SLC26A4: variants seen among roughly 807,000 people sequenced by gnomAD.
SLC26A4 encodes solute carrier family 26 member 4, also known as pendrin.
A neutral mutation model predicts 90.4 loss-of-function variants in SLC26A4; 93 were observed. The observed-to-expected ratio is 1.03, with a 90% CI of 0.87 to 1.22. The LOEUF (loss-of-function observed/expected upper bound fraction) is 1.22. Ranked by LOEUF, SLC26A4 falls within the 50% of genes most tolerant of loss-of-function variation. The pLI is 0.00. For missense variants in SLC26A4, 1,127 were observed against 946.2 expected (o/e 1.19, Z -2.51); for synonymous variants, 393 against 354.6 (o/e 1.11, Z -1.22).
intron 8 of SLC26A4, among the ~76,000 whole-genome samples, chr7:107,688,556 A>G (rs978401475): frequency 1.3e-5 from 2 of 152,196 alleles, no homozygotes; most frequent in African/African-American, 4.8e-5. Context: ...CCTTAAGAAG[A>G]TTTTAAATGT....
At chr7:107,667,849 A>G (rs1017058679) in intron 3 of SLC26A4, among the ~76,000 whole-genome samples, 6 of 152,188 alleles carry the variant, frequency 3.9e-5, no homozygotes, top group Admixed American at 2.0e-4. Flanking sequence ...GTGCAGATGC[A>G]GACGGGTTTG....
intron 15 of SLC26A4, 39 bp downstream of exon 15, chr7:107,700,214 T>A: frequency 2.0e-6 from 2 of 982,496 alleles, no homozygotes; most frequent in South Asian, 2.6e-5. Context: ...TTCTAACCTC[T>A]TTTGAGACTT....
Position 107,674,944 on chromosome 7 carries a change from G to A in SLC26A4, c.601-1G>A, listed in dbSNP as rs1554355011. On this transcript the variant is annotated splice_acceptor_variant, in intron 5 of 20. Transcript: ENST00000644269. LOFTEE classifies it high-confidence loss of function. ...TTTTTCTTTCCTTTTCCTTATCGTA[G>A]TTGATATTTGGTGGCTTGCAGATTG... The A allele has an allele frequency of 2.5e-6, 4 of 1,613,876 alleles. No individual in the cohort carries two copies. The East Asian group carries it at 8.9e-5, about 36-fold the overall frequency.
intron 18 of SLC26A4, 116 bp downstream of exon 18, chr7:107,704,501 T>G: frequency 1.6e-6 from 1 of 615,662 alleles, no homozygotes; most frequent in Non-Finnish European, 2.9e-6. Context: ...TTTAAAGATC[T>G]CAATTGTCAT....
chr7:107,700,113 A>T lies in SLC26A4; in HGVS notation c.1645A>T (p.Arg549Ter), dbSNP rs2129317899. The T allele has an allele frequency of 6.3e-7, 1 of 1,587,922 alleles. No homozygotes were observed. The change falls in exon 15 of 21, where the codon AGA becomes TGA. Residue 549 changes from arginine to a stop codon, truncating the protein, a stop_gained. Coordinates refer to ENST00000644269, the MANE Select transcript of SLC26A4 (RefSeq NM_000441.2). LOFTEE classifies it high-confidence loss of function. Reference protein sequence around the residue: ...IEEPQGVKILRFSSPIFYGNV... With the variant: ...IEEPQGVKIL ...AGAACCTCAAGGAGTGAAGATTCTTAGATTTTCCAGTCCTATTTTCTATGG... is the reference window on the plus strand; with the variant it reads ...AGAACCTCAAGGAGTGAAGATTCTTTGATTTTCCAGTCCTATTTTCTATGG...
intron 3 of SLC26A4, among the ~76,000 whole-genome samples, chr7:107,669,367 G>A (rs2395910): frequency 0.69 from 104,940 of 152,110 alleles, 37,868 homozygotes; most frequent in African/African-American, 0.92. Context: ...GGGACACTCT[G>A]TATGAAAACT....
rs769548190 is a variant in SLC26A4, at chr7:107,701,848, G to C, written c.1825G>C (p.Val609Leu). Residue 609 changes from valine (V) to leucine (L), a missense_variant, in exon 17 of 21, where the codon GTT becomes CTT. Physicochemically the swap from Val to Leu is conservative, Grantham distance 32 (BLOSUM62 1). Coordinates refer to ENST00000644269, the MANE Select transcript of SLC26A4 (RefSeq NM_000441.2). ...ATKNGIISDA[V>L]STNNAFEPDE... ...TTAGAATGGCATCATAAGTGATGCT[G>C]TTTCAACAAATAATGCTTTTGAGCC... 6 of 1,609,368 alleles carry C rather than the reference G, an allele frequency of 3.7e-6. No individual in the cohort carries two copies. The African/African-American group carries it at 4.0e-5, about 11-fold the overall frequency.
At chr7:107,686,398 C>CTTTTT (rs1562831112) in intron 8 of SLC26A4, among the ~76,000 whole-genome samples, 57 of 91,004 alleles carry the variant, frequency 6.3e-4, no homozygotes, top group African/African-American at 2.3e-3. Context: ...TCCTTCCTCT[C>CTTTTT]TCTCTTTTTT....
intron 10 of SLC26A4, chr7:107,692,925 T>C (rs1791616026): frequency 6.6e-6 from 1 of 152,210 alleles, no homozygotes; most frequent in Non-Finnish European, 1.5e-5. Context: ...AGACTCATTA[T>C]GACATATAAT....
chr7:107,683,142 G>A (rs1293037593), intron 6 of SLC26A4, 60 bp from the exon 7 acceptor site: 12 of 1,227,518 alleles, frequency 9.8e-6, no homozygotes, highest in Admixed American at 5.2e-5. Context: ...GTGTGTGCGT[G>A]TGTGTGTGCT....
At chr7:107,686,604 C>T (rs964195848) in intron 8 of SLC26A4, among the ~76,000 whole-genome samples, 77 of 152,000 alleles carry the variant, frequency 5.1e-4, no homozygotes, top group Non-Finnish European at 4.3e-4. Context: ...TCTCCTGCCT[C>T]AGCCTCCTGA....
chr7:107,694,008 A>G (rs1791657423), intron 10 of SLC26A4, among the ~76,000 whole-genome samples: 1 of 152,196 alleles, frequency 6.6e-6, no homozygotes, highest in Non-Finnish European at 1.5e-5. Context: ...TTTATTTCCC[A>G]AGAATACGAC....
Position 107,690,275 on chromosome 7 carries a change from C to A in SLC26A4, c.1263+38C>A, listed in dbSNP as rs367627846. The A allele has an allele frequency of 4.2e-5, 52 of 1,229,378 alleles. No homozygotes were observed. In the African/African-American group the frequency reaches 6.4e-4, roughly 15 times the overall value. 76.2% of individuals were successfully genotyped at this position (1,229,378 alleles called of 1,614,324 possible). On this transcript the variant is annotated intron_variant, in intron 10 of 20. Transcript: ENST00000644269. ...GCCTTATGATATCCATCTCAGAGAA[C>A]AAGTCGAGGAATGGCAACAGAGGAA...
rs1791758563 is a variant in SLC26A4, at chr7:107,696,914, G to GA, written c.1544+880dup. ...GGGCCGTGAAAGAAGAAGACACCTG[G>GA]AAAAACATCAAGATAGATGTCTTCA... is the stretch of plus-strand genomic sequence containing the variant. On this transcript the variant is annotated intron_variant, in intron 13 of 20. Coordinates refer to ENST00000644269, the MANE Select transcript of SLC26A4 (RefSeq NM_000441.2). Among the ~76,000 whole-genome samples the GA allele has an allele frequency of 2.0e-5, 3 of 152,272 alleles. No individual in the cohort carries two copies. In the South Asian group the frequency reaches 6.2e-4, roughly 32 times the overall value.
intron 6 of SLC26A4, among the ~76,000 whole-genome samples, chr7:107,682,494 T>G (rs963225513): frequency 6.6e-5 from 10 of 152,198 alleles, no homozygotes; most frequent in Admixed American, 2.0e-4. Context: ...ATTCAATAGC[T>G]TTTCTTTGCC....
In SLC26A4 at chr7:107,715,054, G is replaced by A. The variant is rs554405948; in HGVS notation, c.2320-369G>A. ...AGCCTGACTAACATGGTAACCCCCC[G>A]ACCATCTCTACTAAAAAAAAAAAAA... On this transcript the variant is annotated intron_variant, in intron 20 of 20. Transcript: ENST00000644269. Among the ~76,000 whole-genome samples, 42 of 106,126 alleles carry A rather than the reference G, an allele frequency of 4.0e-4. No homozygotes were observed. In the South Asian group the frequency reaches 0.017, roughly 43 times the overall value. The allele number at this position is 106,126 out of a possible 152,430, so 69.6% of individuals were successfully genotyped here. A position where few individuals can be genotyped will look rare whatever the true frequency, so the allele number is the denominator to read the frequency against.
chr7:107,663,296 T>A lies in SLC26A4; in HGVS notation c.165T>A (p.Ser55Arg). 1 of 1,614,210 alleles carries A rather than the reference T, an allele frequency of 6.2e-7. No homozygotes were observed. Among genetic ancestry groups the A allele is most frequent in the Non-Finnish European group, 8.5e-7 (1 of 1,180,030 alleles). Residue 55 changes from serine (S) to arginine (R), a missense_variant and splice_region_variant, in exon 3 of 21, where the codon AGT (serine) becomes AGA (arginine). Physicochemically the swap from Ser to Arg is moderately radical, Grantham distance 110. Transcript: ENST00000644269. ...TLRESLAKCC[S>R]CSRKRAFGVL... ...ACCCAGTTTTCTTGCTTTTTGACAG[T>A]TGTTCAAGAAAGAGAGCCTTTGGTG...
rs747919826 is a variant in SLC26A4, at chr7:107,701,938, G to C, written c.1915G>C (p.Asp639His). The C allele has an allele frequency of 1.9e-6, 3 of 1,612,806 alleles. No individual in the cohort carries two copies. Among genetic ancestry groups the C allele is most frequent in the Non-Finnish European group, 2.5e-6 (3 of 1,178,770 alleles). ...AACCAAGGAAATAGAGATTCAAGTG[G>C]ATTGGAACTCTGAGCTTCCAGTCAA... Reference protein sequence around the residue: ...IPTKEIEIQVDWNSELPVKVN... With the variant: ...IPTKEIEIQVHWNSELPVKVN... The change falls in exon 17 of 21, where the codon GAT becomes CAT. Residue 639 changes from aspartate to histidine, a missense_variant. Transcript: ENST00000644269.
At chr7:107,671,994 A>G (rs1346175082) in intron 3 of SLC26A4, 144 bp from the exon 4 acceptor site, 2 of 677,024 alleles carry the variant, frequency 3.0e-6, no homozygotes, top group Non-Finnish European at 5.5e-6. Context: ...TTGTATGGTT[A>G]CTTAAAGTAT....
Sources: gnomAD v4.1 joint callset for allele counts (sites outside exome capture counted in the v4.1 genomes callset) on GRCh38, gnomAD v4.1.1 for gene constraint, MANE v1.5 for transcripts, NCBI Gene and HGNC (gene_info 2026-07-23, HGNC 2026-07-21) for gene names.